The following RNF6 variants were observed in gnomAD, a reference collection of about 807,000 sequenced individuals.
RNF6 encodes E3 ubiquitin-protein ligase RNF6.
A neutral mutation model predicts 50.1 loss-of-function variants in RNF6; 21 were observed. That is an observed-to-expected ratio of 0.42 (90% CI 0.30 to 0.60). The LOEUF (loss-of-function observed/expected upper bound fraction) is 0.60, where lower values mean the gene tolerates loss of function less well. Ranked by LOEUF, RNF6 falls within the 20% of genes least tolerant of loss-of-function variation. RNF6 has a pLI of 0.20. For missense variants in RNF6, 698 were observed against 838.2 expected, an observed-to-expected ratio of 0.83 and a Z score of 2.07; for synonymous variants, 255 against 291.8, an observed-to-expected ratio of 0.87 and a Z score of 1.29.
chr13:26,143,824 T>C (rs1871088094), intron 5 of RNF6, among the ~76,000 whole-genome samples: 1 of 152,084 alleles, frequency 6.6e-6, no homozygotes, highest in South Asian at 2.1e-4. Context: ...CATGGGCCCA[T>C]TGCCACACTT....
chr13:26,183,850 A>C (rs1477852776), intron 5 of RNF6, among the ~76,000 whole-genome samples: 4 of 147,474 alleles, frequency 2.7e-5, no homozygotes, highest in African/African-American at 9.9e-5. Context: ...TATTCCTCGA[A>C]TTATTTATAT....
At chr13:26,172,977 A>G (rs1872774475) in intron 5 of RNF6, among the ~76,000 whole-genome samples, 1 of 152,266 alleles carries the variant, frequency 6.6e-6, no homozygotes, top group Non-Finnish European at 1.5e-5. Context: ...AACAAAAGAT[A>G]TGAATGGGTA....
intron 2 of RNF6, among the ~76,000 whole-genome samples, chr13:26,220,901 A>G (rs1195389322): frequency 6.6e-6 from 1 of 152,230 alleles, no homozygotes; most frequent in Non-Finnish European, 1.5e-5. Flanking sequence ...ATACTGTTGG[A>G]GTAAGCAACT....
At chr13:26,149,547 A>G (rs1365702219) in intron 5 of RNF6, among the ~76,000 whole-genome samples, 3 of 151,942 alleles carry the variant, frequency 2.0e-5, no homozygotes, top group African/African-American at 7.3e-5. Flanking sequence ...AAATTGTGCC[A>G]CTGCACTCCA....
chr13:26,169,847 A>C (rs956621856), intron 5 of RNF6, among the ~76,000 whole-genome samples: 1 of 152,188 alleles, frequency 6.6e-6, no homozygotes. Context: ...CCCTATGCCC[A>C]CCTGACTCTT....
chr13:26,173,144 C>T (rs760325181), intron 5 of RNF6, among the ~76,000 whole-genome samples: 19 of 152,156 alleles, frequency 1.2e-4, no homozygotes, highest in Admixed American at 7.9e-4. Flanking sequence ...AGAGTATAAA[C>T]GGATACAACC....
intron 5 of RNF6, among the ~76,000 whole-genome samples, chr13:26,203,533 T>A (rs953028350): frequency 3.3e-5 from 5 of 152,210 alleles, no homozygotes; most frequent in Non-Finnish European, 5.9e-5. Context: ...CACCTTTGGG[T>A]GTGACACAGT....
At position 26,219,701 on chromosome 13, in the gene RNF6, T is replaced by A. The variant is rs372979470; in HGVS notation, c.-18-34A>T. ...ACAATATAAACAACATTCAAGGTGT[T>A]AAGTCATGGACCACATTTGGCTTTG... On this transcript the variant is annotated intron_variant, in intron 2 of 4. Transcript: ENST00000381588. The A allele has an allele frequency of 6.5e-5, 102 of 1,563,412 alleles. No homozygotes were observed. In the African/African-American group the frequency reaches 1.3e-3, roughly 20 times the overall value.
rs1193702202 is a variant in RNF6, at chr13:26,214,934, C to G, written c.948G>C (p.Gln316His). The G allele has an allele frequency of 1.2e-6, 2 of 1,614,120 alleles. No individual in the cohort carries two copies. Among genetic ancestry groups the G allele is most frequent in the Admixed American group, 1.7e-5 (1 of 60,006 alleles). ...TATGATAAACAGTGCCACTCTGTCT[C>G]TGAATTGGTGAACGGCTTCGACTAT... ...TSNSRSRSPI[Q>H]RQSGTVYHNS... The change falls in exon 5 of 5, where the codon CAG (glutamine) becomes CAC (histidine). Residue 316 changes from glutamine (Q) to histidine (H), a missense_variant. Gln to His is a conservative substitution (Grantham distance 24). Transcript: ENST00000381588.
chr13:26,156,961 C>G (rs185302939), intron 5 of RNF6, among the ~76,000 whole-genome samples: 1 of 152,110 alleles, frequency 6.6e-6, no homozygotes, highest in Admixed American at 6.5e-5. Flanking sequence ...TAAGCTGGGT[C>G]TCTACCTTAT....
chr13:26,150,077 C>T (rs1010863401), intron 5 of RNF6, among the ~76,000 whole-genome samples: 1 of 148,304 alleles, frequency 6.7e-6, no homozygotes, highest in African/African-American at 2.5e-5. Context: ...TATACATACA[C>T]ACACACAGAG....
chr13:26,155,060 T>G (rs972692862), intron 5 of RNF6, among the ~76,000 whole-genome samples: 6 of 151,130 alleles, frequency 4.0e-5, no homozygotes, highest in Admixed American at 2.6e-4. Context: ...AAAAAACTCC[T>G]AATCAACCTC....
At chr13:26,160,216 A>G (rs1412123494) in intron 5 of RNF6, among the ~76,000 whole-genome samples, 1 of 152,224 alleles carries the variant, frequency 6.6e-6, no homozygotes. Context: ...GTGCAGTTCG[A>G]TAAACACAGA....
intron 5 of RNF6, among the ~76,000 whole-genome samples, chr13:26,174,939 C>A (rs1285243363): frequency 6.6e-6 from 1 of 152,168 alleles, no homozygotes; most frequent in Admixed American, 6.5e-5. Context: ...ACTTAATCAC[C>A]TCTTTAAAGG....
chr13:26,167,280 A>G (rs1017050952), intron 5 of RNF6, among the ~76,000 whole-genome samples: 2 of 152,252 alleles, frequency 1.3e-5, no homozygotes, highest in African/African-American at 4.8e-5. Context: ...ACAGAATAGG[A>G]GAAAATTTTT....
At chr13:26,167,392 G>A (rs1310666903) in intron 5 of RNF6, among the ~76,000 whole-genome samples, 1 of 152,024 alleles carries the variant, frequency 6.6e-6, no homozygotes, top group African/African-American at 2.4e-5. Flanking sequence ...GTGGTCAAAG[G>A]ACATGAATAG....
intron 5 of RNF6, among the ~76,000 whole-genome samples, chr13:26,148,790 A>T (rs1332804284): frequency 1.3e-5 from 2 of 150,550 alleles, no homozygotes; most frequent in Non-Finnish European, 3.0e-5. Flanking sequence ...CTGCAGGGTG[A>T]GTTGACAAGC....
intron 5 of RNF6, among the ~76,000 whole-genome samples, chr13:26,177,097 G>A (rs924210517): frequency 3.9e-5 from 6 of 152,130 alleles, no homozygotes; most frequent in Admixed American, 3.3e-4. Flanking sequence ...AGGCAAGGTA[G>A]GTTTCTGTCC....
At chr13:26,158,021 T>C (rs1378893763) in intron 5 of RNF6, among the ~76,000 whole-genome samples, 1 of 151,824 alleles carries the variant, frequency 6.6e-6, no homozygotes, top group Non-Finnish European at 1.5e-5. Context: ...GATGGATAAA[T>C]AGATGAATAG....
Sources: allele counts gnomAD v4.1 joint callset (sites outside exome capture counted in the v4.1 genomes callset), GRCh38; gene constraint gnomAD v4.1.1; transcripts MANE v1.5; gene names NCBI Gene and HGNC (gene_info 2026-07-23, HGNC 2026-07-21).